The following CSMD1 variants were observed in gnomAD, a reference collection of about 807,000 sequenced individuals.
The protein encoded by CSMD1 is CUB and sushi domain-containing protein 1.
In CSMD1, 213 loss-of-function variants were observed where a neutral mutation model predicts 417.5. The observed-to-expected ratio is 0.51, with a 90% CI of 0.46 to 0.57. The LOEUF (loss-of-function observed/expected upper bound fraction) is 0.57, where lower values mean the gene tolerates loss of function less well. Ranked by LOEUF, CSMD1 falls within the 20% of genes least tolerant of loss-of-function variation. CSMD1 has a pLI of 0.00. For synonymous variants in CSMD1, 2,862 were observed against 1,736.8 expected, an observed-to-expected ratio of 1.65 and a Z score of -16.11; for missense variants, 6,923 against 4,529.7, an observed-to-expected ratio of 1.53 and a Z score of -15.17.
chr8:3,234,719 G>A (rs530213693), intron 26 of CSMD1, among the ~76,000 whole-genome samples: 3 of 152,184 alleles, frequency 2.0e-5, no homozygotes, highest in African/African-American at 4.8e-5. Context: ...AGAAAGTCAC[G>A]AAGGTCTCAC....
intron 5 of CSMD1, among the ~76,000 whole-genome samples, chr8:3,831,308 T>A (rs1035929033): frequency 2.6e-5 from 4 of 152,170 alleles, no homozygotes; most frequent in Non-Finnish European, 4.4e-5. Context: ...CTGTGGCATG[T>A]TGCATTTCGG....
At chr8:4,917,876 G>C (rs571941987) in intron 1 of CSMD1, among the ~76,000 whole-genome samples, 4 of 152,200 alleles carry the variant, frequency 2.6e-5, no homozygotes, top group African/African-American at 9.6e-5. Context: ...AGATGGGCCT[G>C]GAAGGCTAGG....
chr8:4,519,069 C>T (rs1803284386), intron 2 of CSMD1, among the ~76,000 whole-genome samples: 1 of 152,132 alleles, frequency 6.6e-6, no homozygotes, highest in Non-Finnish European at 1.5e-5. Flanking sequence ...GAACAAGAGT[C>T]CATTCCCACC....
chr8:4,427,046 G>C (rs564838098), intron 2 of CSMD1, among the ~76,000 whole-genome samples: 17 of 152,046 alleles, frequency 1.1e-4, no homozygotes, highest in Admixed American at 1.0e-3. Flanking sequence ...GGTGTAGACG[G>C]AACAGCCCCA....
intron 7 of CSMD1, among the ~76,000 whole-genome samples, chr8:3,661,111 A>C (rs1175833123): frequency 6.6e-6 from 1 of 152,210 alleles, no homozygotes; most frequent in African/African-American, 2.4e-5. Context: ...CATCTGTTAA[A>C]GCAAACTAAA....
intron 11 of CSMD1, among the ~76,000 whole-genome samples, chr8:3,487,340 T>G (rs1294057418): frequency 2.0e-5 from 3 of 152,140 alleles, no homozygotes. Flanking sequence ...TAGATGGGAC[T>G]ACAGGCGCCC....
chr8:3,496,624 G>T (rs753512809), intron 10 of CSMD1, among the ~76,000 whole-genome samples: 1 of 152,048 alleles, frequency 6.6e-6, no homozygotes, highest in African/African-American at 2.4e-5. Flanking sequence ...TCAGGAATTC[G>T]AGACCAGCTT....
intron 10 of CSMD1, among the ~76,000 whole-genome samples, chr8:3,502,466 A>G (rs555712716): frequency 6.6e-6 from 1 of 152,266 alleles, no homozygotes; most frequent in South Asian, 2.1e-4. Flanking sequence ...AGCAACCAAT[A>G]TGTCCTTCAG....
At chr8:3,501,916 G>T (rs776772051) in intron 10 of CSMD1, among the ~76,000 whole-genome samples, 45 of 152,080 alleles carry the variant, frequency 3.0e-4, no homozygotes, top group Non-Finnish European at 6.2e-4. Flanking sequence ...ATAGATACTG[G>T]ATAAATATAC....
intron 24 of CSMD1, among the ~76,000 whole-genome samples, chr8:3,308,058 T>C (rs1805022382): frequency 3.3e-5 from 1 of 30,404 alleles, no homozygotes; most frequent in African/African-American, 1.7e-4. Context: ...ACTCATGTGA[T>C]AATTCTAATA....
intron 5 of CSMD1, among the ~76,000 whole-genome samples, chr8:3,878,545 T>C (rs1237703399): frequency 1.3e-5 from 2 of 152,172 alleles, no homozygotes; most frequent in South Asian, 2.1e-4. Flanking sequence ...AAGGAAATTA[T>C]ATAGATAGGA....
At chr8:4,062,169 A>G (rs930473732) in intron 3 of CSMD1, among the ~76,000 whole-genome samples, 2 of 152,120 alleles carry the variant, frequency 1.3e-5, no homozygotes, top group Non-Finnish European at 2.9e-5. Flanking sequence ...GAAACACGCA[A>G]GACTTGCCAA....
chr8:3,717,064 C>A (rs1801881499), intron 6 of CSMD1, among the ~76,000 whole-genome samples: 1 of 152,160 alleles, frequency 6.6e-6, no homozygotes, highest in Admixed American at 6.5e-5. Flanking sequence ...GTGGTGAAGT[C>A]TGATACTAGA....
intron 5 of CSMD1, among the ~76,000 whole-genome samples, chr8:3,906,285 G>C (rs145679727): frequency 3.8e-3 from 427 of 113,722 alleles, no homozygotes; most frequent in African/African-American, 0.01. Flanking sequence ...AAAATCAATT[G>C]TCATAGGGAA....
intron 5 of CSMD1, among the ~76,000 whole-genome samples, chr8:3,882,987 G>A (rs558722028): frequency 3.3e-5 from 5 of 152,208 alleles, no homozygotes; most frequent in South Asian, 2.1e-4. Context: ...CTCAATAGCT[G>A]ATATGTGCAC....
At chr8:3,404,894 T>G (rs1246146311) in intron 15 of CSMD1, among the ~76,000 whole-genome samples, 1 of 152,206 alleles carries the variant, frequency 6.6e-6, no homozygotes, top group Non-Finnish European at 1.5e-5. Context: ...TGTTTGAAGC[T>G]GAATCATTTC....
intron 1 of CSMD1, among the ~76,000 whole-genome samples, chr8:4,715,362 G>C (rs927208085): frequency 1.3e-5 from 2 of 152,104 alleles, no homozygotes; most frequent in African/African-American, 2.4e-5. Context: ...CTTCATCAAA[G>C]AGCAATATTA....
At chr8:4,394,969 T>C (rs1216130512) in intron 3 of CSMD1, among the ~76,000 whole-genome samples, 1 of 152,154 alleles carries the variant, frequency 6.6e-6, no homozygotes, top group African/African-American at 2.4e-5. Context: ...GAAGAGTTAA[T>C]TCACAGTTAA....
intron 41 of CSMD1, among the ~76,000 whole-genome samples, chr8:3,142,167 G>A (rs1464502320): frequency 6.6e-6 from 1 of 152,106 alleles, no homozygotes; most frequent in Non-Finnish European, 1.5e-5. Flanking sequence ...TAAAACTCCG[G>A]TCTCCCACAC....
Sources: allele counts gnomAD v4.1 joint callset (sites outside exome capture counted in the v4.1 genomes callset), GRCh38; gene constraint gnomAD v4.1.1; transcripts MANE v1.5; gene names NCBI Gene and HGNC (gene_info 2026-07-23, HGNC 2026-07-21).